The following LMO3 variants were observed in gnomAD, a reference collection of about 807,000 sequenced individuals.
The protein encoded by LMO3 is LIM domain only protein 3.
A neutral mutation model predicts 15.8 loss-of-function variants in LMO3; 2 were observed. The observed-to-expected ratio is 0.13, with a 90% CI of 0.05 to 0.40. LMO3 has a LOEUF of 0.40. Ranked by LOEUF, LMO3 falls within the 10% of genes least tolerant of loss-of-function variation. The probability of loss-of-function intolerance (pLI) is 0.99; values close to 1 mark genes in which losing one functional copy is unlikely to be tolerated. For synonymous variants in LMO3, 62 were observed against 63.8 expected (o/e 0.97, Z 0.13); for missense variants, 86 against 182.2 (o/e 0.47, Z 3.04).
chr12:16,567,770 G>T (rs545103293), intron 2 of LMO3, among the ~76,000 whole-genome samples: 31 of 152,078 alleles, frequency 2.0e-4, no homozygotes, highest in Admixed American at 1.5e-3. Context: ...TATTTTAAGA[G>T]AATCCTCAGA....
chr12:16,551,420 G>T, intron 3 of LMO3, 93 bp from the exon 4 acceptor site: 1 of 742,372 alleles, frequency 1.3e-6, no homozygotes, highest in South Asian at 1.6e-5. Flanking sequence ...AGTTTCGCAT[G>T]GTAATTCCCT....
At chr12:16,564,821 T>C (rs1942534818) in intron 2 of LMO3, among the ~76,000 whole-genome samples, 1 of 152,212 alleles carries the variant, frequency 6.6e-6, no homozygotes, top group Non-Finnish European at 1.5e-5. Flanking sequence ...AGTCTCACTC[T>C]GTCACCTAGG....
intron 2 of LMO3, among the ~76,000 whole-genome samples, chr12:16,569,946 G>C (rs1942757080): frequency 6.6e-6 from 1 of 152,190 alleles, no homozygotes; most frequent in East Asian, 1.9e-4. Context: ...TTTAAGGTAA[G>C]TTTATAATGA....
Position 16,582,940 on chromosome 12 carries a change from A to T in LMO3, c.206+17715T>A, listed in dbSNP as rs1281933621. Reference sequence around the variant, plus strand: ...CATGCACCTGTAATCCCAGCTACTCAGGAGGCTAATGCAGGAAAATCTCTT... The same window carrying T: ...CATGCACCTGTAATCCCAGCTACTCTGGAGGCTAATGCAGGAAAATCTCTT... On this transcript the variant is annotated intron_variant, in intron 2 of 3. Coordinates refer to ENST00000537304, the MANE Select transcript of LMO3 (RefSeq NM_018640.5). This position sits in a 1 kb window ranked among gnomAD's most constrained non-coding sequence, Gnocchi z 4.1. 6.6e-6 allele frequency among the ~76,000 whole-genome samples: 1 copy of T among 151,368 alleles called. No individual in the cohort carries two copies. The highest frequency in any genetic ancestry group is 1.5e-5 in the Non-Finnish European group (1 of 67,900).
chr12:16,557,807 G>A (rs1966437), intron 3 of LMO3, among the ~76,000 whole-genome samples: 2 of 151,980 alleles, frequency 1.3e-5, no homozygotes, highest in African/African-American at 4.8e-5. Flanking sequence ...AATTCAGAGA[G>A]ATTAAGTAAC....
rs1941951894 is a variant in LMO3 at position 16,550,572 on chromosome 12, A to AT, written c.*649dup. 1 of 152,354 alleles carries AT rather than the reference A, an allele frequency of 6.6e-6. No homozygotes were observed. The allele number at this position is 152,354 out of a possible 1,614,324, so 9.4% of individuals were successfully genotyped here. Reference sequence around the variant, plus strand: ...ATTTTTATGTATTTTTTTAAAGCTGATTTTTAACCCCCTGAAAATAGGGGG... The same window carrying AT: ...ATTTTTATGTATTTTTTTAAAGCTGATTTTTTAACCCCCTGAAAATAGGGGG... On this transcript the variant is annotated 3_prime_UTR_variant, in exon 4 of 4. Transcript: ENST00000537304.
Position 16,604,929 on chromosome 12 carries a change from T to A in LMO3, c.-9+1137A>T, listed in dbSNP as rs78062402. Reference sequence around the variant, plus strand: ...GTGTCTGAGTTGCAGCAGCTTCGCATTGAGCACCAAACCCAAAGGTAGAAG... The same window carrying A: ...GTGTCTGAGTTGCAGCAGCTTCGCAATGAGCACCAAACCCAAAGGTAGAAG... On this transcript the variant is annotated intron_variant, in intron 1 of 3. Transcript: ENST00000537304. This position sits in a 1 kb window ranked among gnomAD's most constrained non-coding sequence, Gnocchi z 5.3. 2.6e-5 allele frequency: 41 copies of A among 1,598,388 alleles called. No individual in the cohort carries two copies. Among genetic ancestry groups the A allele is most frequent in the Non-Finnish European group, 3.4e-5 (40 of 1,179,784 alleles).
intron 3 of LMO3, among the ~76,000 whole-genome samples, chr12:16,558,541 TA>T (rs1280548330): frequency 6.6e-6 from 1 of 152,082 alleles, no homozygotes; most frequent in African/African-American, 2.4e-5. Flanking sequence ...TGTGTTTGTA[TA>T]TCCTTATCCC....
At chr12:16,595,646 A>T (rs544617188) in intron 2 of LMO3, among the ~76,000 whole-genome samples, 86 of 151,638 alleles carry the variant, frequency 5.7e-4, no homozygotes, top group African/African-American at 2.0e-3. Context: ...TGCAAATAAG[A>T]TAATTTTTAA....
chr12:16,554,489 C>T (rs1476826884), intron 3 of LMO3, among the ~76,000 whole-genome samples: 2 of 152,148 alleles, frequency 1.3e-5, no homozygotes, highest in African/African-American at 2.4e-5. Context: ...TGTACTCATT[C>T]CTCCACTATA....
chr12:16,569,000 G>C (rs1942717350), intron 2 of LMO3, among the ~76,000 whole-genome samples: 1 of 152,142 alleles, frequency 6.6e-6, no homozygotes, highest in Non-Finnish European at 1.5e-5. Context: ...AATCATTATA[G>C]CTCTCTCATA....
chr12:16,568,972 A>G (rs912616976), intron 2 of LMO3, among the ~76,000 whole-genome samples: 4 of 152,238 alleles, frequency 2.6e-5, no homozygotes, highest in Non-Finnish European at 4.4e-5. Context: ...ACTTAAAAAT[A>G]TGTATGCTAA....
rs558070351 is a variant in LMO3, at chr12:16,575,275, T to G, written c.207-14737A>C. Reference sequence around the variant, plus strand: ...TTGTTTATCTTCAAAAATATAGGCATAAGGTCAATTTCCACACACTAAACG... The same window carrying G: ...TTGTTTATCTTCAAAAATATAGGCAGAAGGTCAATTTCCACACACTAAACG... On this transcript the variant is annotated intron_variant, in intron 2 of 3. Coordinates refer to ENST00000537304, the MANE Select transcript of LMO3 (RefSeq NM_018640.5). Among the ~76,000 whole-genome samples, 8 of 152,224 alleles carry G rather than the reference T, an allele frequency of 5.3e-5. No individual in the cohort carries two copies. In the East Asian group the frequency reaches 1.5e-3, roughly 29 times the overall value.
chr12:16,589,765 A>G lies in LMO3; in HGVS notation c.206+10890T>C, dbSNP rs1022940728. Among the ~76,000 whole-genome samples the G allele has an allele frequency of 6.6e-6, 1 of 152,088 alleles. No homozygotes were observed. The highest frequency in any genetic ancestry group is 2.4e-5 in the African/African-American group (1 of 41,422). On this transcript the variant is annotated intron_variant, in intron 2 of 3. Coordinates refer to ENST00000537304, the MANE Select transcript of LMO3 (RefSeq NM_018640.5). This position sits in a 1 kb window ranked among gnomAD's most constrained non-coding sequence, Gnocchi z 4.2. ...CGAGGATCACCAAGTGATTAGGAATATAGGTTCCTCAACTCAATCTGGACA... is the reference window on the plus strand; with the variant it reads ...CGAGGATCACCAAGTGATTAGGAATGTAGGTTCCTCAACTCAATCTGGACA...
At chr12:16,579,058 C>T (rs1943081653) in intron 2 of LMO3, among the ~76,000 whole-genome samples, 1 of 152,060 alleles carries the variant, frequency 6.6e-6, no homozygotes, top group African/African-American at 2.4e-5. Context: ...CTTTTCCAAC[C>T]CAAACACTCT....
In LMO3 at chr12:16,550,763, A is replaced by G. The variant is rs1941958996; in HGVS notation, c.*459T>C. Reference sequence around the variant, plus strand: ...GATTTGCTTTTCAATTCTTTACTAGAAAGTTACAGCTCATTTAAAATAGCT... The same window carrying G: ...GATTTGCTTTTCAATTCTTTACTAGGAAGTTACAGCTCATTTAAAATAGCT... On this transcript the variant is annotated 3_prime_UTR_variant, in exon 4 of 4. Transcript: ENST00000537304. The G allele has an allele frequency of 1.3e-5, 2 of 153,462 alleles. No individual in the cohort carries two copies. Among genetic ancestry groups the G allele is most frequent in the African/African-American group, 4.8e-5 (2 of 41,432 alleles). The allele number at this position is 153,462 out of a possible 1,614,324, so 9.5% of individuals were successfully genotyped here. A position where few individuals can be genotyped will look rare whatever the true frequency, so the allele number is the denominator to read the frequency against.
At position 16,560,355 on chromosome 12, in the gene LMO3, A is replaced by C. The variant is rs1942356139; in HGVS notation, c.332+58T>G. The C allele has an allele frequency of 6.5e-7, 1 of 1,537,632 alleles. No individual in the cohort carries two copies. Among genetic ancestry groups the C allele is most frequent in the Non-Finnish European group, 8.8e-7 (1 of 1,138,348 alleles). On this transcript the variant is annotated intron_variant, in intron 3 of 3. Coordinates refer to ENST00000537304, the MANE Select transcript of LMO3 (RefSeq NM_018640.5). The surrounding 1 kb of genome is among the most constrained non-coding windows in gnomAD (Gnocchi z 5.0). ...TGAATATAATTTCCACCTATTAAAT[A>C]AATAGCCAGCACAGAGAGGTTAACC... is the stretch of plus-strand genomic sequence containing the variant.
rs1335017380 is a variant in LMO3, at chr12:16,596,206, A to T, written c.206+4449T>A. On this transcript the variant is annotated intron_variant, in intron 2 of 3. Transcript: ENST00000537304. The surrounding 1 kb of genome is among the most constrained non-coding windows in gnomAD (Gnocchi z 4.3). Reference sequence around the variant, plus strand: ...TTATTATATTATTATATTAAAGCCTATAAAATTTGTAGTCAGCATAGCAAG... The same window carrying T: ...TTATTATATTATTATATTAAAGCCTTTAAAATTTGTAGTCAGCATAGCAAG... 2.0e-5 allele frequency among the ~76,000 whole-genome samples: 3 copies of T among 151,516 alleles called. No homozygotes were observed. Among genetic ancestry groups the T allele is most frequent in the Non-Finnish European group, 4.4e-5 (3 of 67,554 alleles).
At chr12:16,564,507 T>C (rs955379288) in intron 2 of LMO3, among the ~76,000 whole-genome samples, 1 of 152,188 alleles carries the variant, frequency 6.6e-6, no homozygotes, top group African/African-American at 2.4e-5. Context: ...ATAGCAATAA[T>C]GAATGTGGTT....
Sources: gnomAD v4.1 joint callset for allele counts (sites outside exome capture counted in the v4.1 genomes callset) on GRCh38, gnomAD v4.1.1 for gene constraint, Gnocchi (gnomAD v3.1) non-coding constraint, MANE v1.5 for transcripts, NCBI Gene and HGNC (gene_info 2026-07-23, HGNC 2026-07-21) for gene names.